CATSPER1: variants seen among roughly 807,000 people sequenced by gnomAD.
The protein encoded by CATSPER1 is cation channel sperm-associated protein 1.
Under a neutral mutation model 72.7 loss-of-function variants are expected in CATSPER1, and 57 were observed. The ratio of observed to expected loss-of-function variants is 0.78; its 90% CI spans 0.63 to 0.98. CATSPER1 has a LOEUF of 0.98. Ranked by LOEUF, CATSPER1 falls within the 50% of genes least tolerant of loss-of-function variation. The probability of loss-of-function intolerance (pLI) is 0.00; values close to 1 mark genes in which losing one functional copy is unlikely to be tolerated. For missense variants in CATSPER1, 910 were observed against 1,033.9 expected (o/e 0.88, Z 1.64); for synonymous variants, 363 against 403.0 (o/e 0.90, Z 1.19).
chr11:66,026,420 T>G lies in CATSPER1; in HGVS notation c.-41A>C. On this transcript the variant is annotated 5_prime_UTR_variant, in exon 1 of 12. Transcript: ENST00000312106. ...TCTGGAGCCAAAAGAGCTCAAGACC[T>G]GGGCCCAACAGGCCCCGCCTGGATT... 1 of 1,607,512 alleles carries G rather than the reference T, an allele frequency of 6.2e-7. No individual in the cohort carries two copies. Among genetic ancestry groups the G allele is most frequent in the African/African-American group, 1.3e-5 (1 of 75,064 alleles).
rs761673284 is a variant in CATSPER1, at chr11:66,017,186, CG to C, written c.2202-13del. The C allele has an allele frequency of 2.0e-3, 526 of 258,756 alleles. 53 individuals carry two copies. The highest frequency in any genetic ancestry group is 3.0e-3 in the Non-Finnish European group (421 of 140,854). 16.0% of individuals were successfully genotyped at this position (258,756 alleles called of 1,614,324 possible). On this transcript the variant is annotated splice_polypyrimidine_tract_variant and intron_variant, in intron 10 of 11. Coordinates refer to ENST00000312106, the MANE Select transcript of CATSPER1 (RefSeq NM_053054.4). ...GGAGCTCCTGCTGCCTGCGGGTGGGCGGGGGGGTCGCAGAGACAGGGGCTGG... is the reference window on the plus strand; with the variant it reads ...GGAGCTCCTGCTGCCTGCGGGTGGGCGGGGGGTCGCAGAGACAGGGGCTGG...
intron 9 of CATSPER1, among the ~76,000 whole-genome samples, chr11:66,019,148 C>G (rs867058821): frequency 6.6e-6 from 1 of 152,172 alleles, no homozygotes; most frequent in Non-Finnish European, 1.5e-5. Context: ...CAGTCCATGT[C>G]CTTTGGCTGA....
Position 66,016,859 on chromosome 11 carries a change from G to A in CATSPER1, c.*31C>T, listed in dbSNP as rs775970073. ...CACCCAGGTGGGCAGACTGCCAGGGGCTGAAGTCTGTATCTGGTGTCCTCC... is the reference window on the plus strand; with the variant it reads ...CACCCAGGTGGGCAGACTGCCAGGGACTGAAGTCTGTATCTGGTGTCCTCC... On this transcript the variant is annotated 3_prime_UTR_variant, in exon 12 of 12. Transcript: ENST00000312106. 1 of 1,610,602 alleles carries A rather than the reference G, an allele frequency of 6.2e-7. No homozygotes were observed. Among genetic ancestry groups the A allele is most frequent in the Admixed American group, 1.7e-5 (1 of 59,828 alleles).
At chr11:66,022,240 T>C (rs1034212637) in intron 2 of CATSPER1, among the ~76,000 whole-genome samples, 2 of 152,124 alleles carry the variant, frequency 1.3e-5, no homozygotes, top group African/African-American at 4.8e-5. Flanking sequence ...CTTGGGAGGC[T>C]GAGGCAGGAG....
intron 4 of CATSPER1, 41 bp from the exon 5 acceptor site, chr11:66,021,226 G>A: frequency 6.4e-7 from 1 of 1,571,972 alleles, no homozygotes; most frequent in Non-Finnish European, 8.7e-7. Flanking sequence ...TCGGTGAGGG[G>A]CGGGGGTGTG....
At chr11:66,017,029 G>A (rs549245302) in intron 11 of CATSPER1, 31 bp downstream of exon 11, 61 of 1,611,886 alleles carry the variant, frequency 3.8e-5, no homozygotes, top group East Asian at 1.1e-4. Flanking sequence ...GGTTCCCCTC[G>A]CCGGCCCCTT....
chr11:66,022,667 G>C (rs1466096218), intron 2 of CATSPER1, among the ~76,000 whole-genome samples, 182 bp downstream of exon 2: 4 of 152,238 alleles, frequency 2.6e-5, no homozygotes, highest in Non-Finnish European at 5.9e-5. Flanking sequence ...CTTCTGTCTC[G>C]GGCCGGCCTC....
At chr11:66,021,982 G>A (rs181772393) in intron 2 of CATSPER1, 103 bp from the exon 3 acceptor site, 510 of 891,426 alleles carry the variant, frequency 5.7e-4, no homozygotes, top group Non-Finnish European at 3.9e-4. Context: ...GGCTCTCCCC[G>A]GCTCTGCGTA....
rs775414684 is a variant in CATSPER1, at chr11:66,020,934, G to A, written c.1804C>T (p.Arg602Trp). The A allele has an allele frequency of 1.4e-5, 23 of 1,613,858 alleles. No individual in the cohort carries two copies. The highest frequency in any genetic ancestry group is 8.9e-5 in the East Asian group (4 of 44,896). ...TCLFLFSAVL[R>W]ALFRKSDPKR... is the part of the protein sequence containing the mutation. ...GGGTCAGATTTGCGGAACAGTGCCC[G>A]GAGGACCGCGGAGAAGAGGACTGGC... The change falls in exon 6 of 12, where the codon CGG becomes TGG. Residue 602 changes from arginine (R) to tryptophan (W), a missense_variant. Physicochemically the swap from Arg to Trp is moderately radical, Grantham distance 101. Coordinates refer to ENST00000312106, the MANE Select transcript of CATSPER1 (RefSeq NM_053054.4). The surrounding 1 kb of genome is among the most constrained non-coding windows in gnomAD (Gnocchi z 4.5).
In CATSPER1 at chr11:66,021,116, G is replaced by A. The variant is rs1856359023; in HGVS notation, c.1761C>T (p.Leu587=). 6.2e-7 allele frequency: 1 copy of A among 1,613,008 alleles called. No homozygotes were observed. The highest frequency in any genetic ancestry group is 1.7e-5 in the Admixed American group (1 of 59,920). Residue 587 remains leucine, a synonymous_variant, in exon 5 of 12, where the codon CTC becomes CTT. Transcript: ENST00000312106. ...GQSLPSIAAI[L]ILMFTCLFLF... ...TACAGAGGCAGGTAAACATGAGGAT[G>A]AGGATGGCTGCGATGGACGGCAAGG...
intron 1 of CATSPER1, among the ~76,000 whole-genome samples, chr11:66,024,454 T>C (rs1856450503): frequency 6.6e-6 from 1 of 151,630 alleles, no homozygotes; most frequent in Non-Finnish European, 1.5e-5. Flanking sequence ...ATTTTTGTAT[T>C]TTTTTGGTAA....
Position 66,021,487 on chromosome 11 carries a change from G to T in CATSPER1, c.1691+9C>A. ...GTCCCCACCCCAGGTGGGAGCCGTG[G>T]CCACTGACCTGAGCCTCCGCAGGAC... is the stretch of plus-strand genomic sequence containing the variant. On this transcript the variant is annotated intron_variant, in intron 4 of 11. Coordinates refer to ENST00000312106, the MANE Select transcript of CATSPER1 (RefSeq NM_053054.4). 6.2e-7 allele frequency: 1 copy of T among 1,612,348 alleles called. No individual in the cohort carries two copies. The highest frequency in any genetic ancestry group is 8.5e-7 in the Non-Finnish European group (1 of 1,179,978).
chr11:66,020,428 C>A lies in CATSPER1; in HGVS notation c.1992-39G>T. ...CAGGGGTGTGCCCTCAGCGAGGAGG[C>A]CAGAGGAGAGGGGCACCCGGTACTT... On this transcript the variant is annotated intron_variant, in intron 7 of 11. Coordinates refer to ENST00000312106, the MANE Select transcript of CATSPER1 (RefSeq NM_053054.4). This position sits in a 1 kb window ranked among gnomAD's most constrained non-coding sequence, Gnocchi z 4.5. The A allele has an allele frequency of 6.2e-7, 1 of 1,612,562 alleles. No homozygotes were observed.
Position 66,020,961 on chromosome 11 carries a change from G to C in CATSPER1, c.1784-7C>G. On this transcript the variant is annotated splice_polypyrimidine_tract_variant and splice_region_variant and intron_variant, in intron 5 of 11. Transcript: ENST00000312106. This position sits in a 1 kb window ranked among gnomAD's most constrained non-coding sequence, Gnocchi z 4.5. ...AGGACCGCGGAGAAGAGGACTGGCT[G>C]TTCAGGGCCAAACTCAGCTCTCCAG... The C allele has an allele frequency of 1.2e-6, 2 of 1,613,842 alleles. No homozygotes were observed. The highest frequency in any genetic ancestry group is 1.7e-6 in the Non-Finnish European group (2 of 1,180,018).
chr11:66,025,020 G>T (rs1856465471), intron 1 of CATSPER1, 144 bp downstream of exon 1: 22 of 949,930 alleles, frequency 2.3e-5, no homozygotes, highest in Middle Eastern at 3.0e-4. Flanking sequence ...ACCATGAACA[G>T]TCAGGAGAGT....
intron 10 of CATSPER1, among the ~76,000 whole-genome samples, chr11:66,018,272 C>A (rs549780837): frequency 5.9e-5 from 9 of 152,006 alleles, no homozygotes; most frequent in African/African-American, 2.2e-4. Context: ...CAGGCTTGGG[C>A]AGGGCTCCTG....
Position 66,021,872 on chromosome 11 carries a change from G to A in CATSPER1, c.1437C>T (p.Tyr479=), listed in dbSNP as rs770179439. Residue 479 remains tyrosine (Y), a synonymous_variant, in exon 3 of 12, where the codon TAC becomes TAT. Coordinates refer to ENST00000312106, the MANE Select transcript of CATSPER1 (RefSeq NM_053054.4). ...FAEVEIRGEW[Y]FMALDSIFFC... Reference sequence around the variant, plus strand: ...AGAATATGGAGTCCAAGGCCATGAAGTACCACTCTGCAGGAACACAGGGGT... The same window carrying A: ...AGAATATGGAGTCCAAGGCCATGAAATACCACTCTGCAGGAACACAGGGGT... 4 of 1,613,236 alleles carry A rather than the reference G, an allele frequency of 2.5e-6. No individual in the cohort carries two copies. In the South Asian group the frequency reaches 4.4e-5, roughly 18 times the overall value.
At chr11:66,024,560 G>A (rs898283965) in intron 1 of CATSPER1, among the ~76,000 whole-genome samples, 22 of 152,176 alleles carry the variant, frequency 1.4e-4, no homozygotes, top group Non-Finnish European at 2.5e-4. Context: ...GATTACAGGC[G>A]TGAGTCACCG....
Position 66,021,095 on chromosome 11 carries a change from G to C in CATSPER1, c.1782C>G (p.Leu594=). ...CCAGCCCCTGCAGCACCAGGATACA[G>C]AGGCAGGTAAACATGAGGATGAGGA... ...AAILILMFTC[L]FLFSAVLRAL... is the part of the protein sequence containing the mutation. The change falls in exon 5 of 12, where the codon CTC becomes CTG. Residue 594 remains leucine (L), a splice_region_variant and synonymous_variant. Coordinates refer to ENST00000312106, the MANE Select transcript of CATSPER1 (RefSeq NM_053054.4). 1 of 1,612,292 alleles carries C rather than the reference G, an allele frequency of 6.2e-7. No homozygotes were observed. The highest frequency in any genetic ancestry group is 8.5e-7 in the Non-Finnish European group (1 of 1,179,450).
Sources: gnomAD v4.1 joint callset for allele counts (sites outside exome capture counted in the v4.1 genomes callset) on GRCh38, gnomAD v4.1.1 for gene constraint, Gnocchi (gnomAD v3.1) non-coding constraint, MANE v1.5 for transcripts, NCBI Gene and HGNC (gene_info 2026-07-23, HGNC 2026-07-21) for gene names.